Variants in AKAP12 observed in about 807,000 individuals in gnomAD.
AKAP12 encodes the protein A-kinase anchor protein 12.
AKAP12 carries 32 observed loss-of-function variants against 79.9 expected under a neutral mutation model. The ratio of observed to expected loss-of-function variants is 0.40; its 90% CI spans 0.30 to 0.54. The LOEUF (loss-of-function observed/expected upper bound fraction) is 0.54, where lower values mean the gene tolerates loss of function less well. Among genes scored for constraint, AKAP12 ranks in the 20% least tolerant of loss-of-function variants. The pLI, the probability that AKAP12 is intolerant of heterozygous loss-of-function variation, is 0.48. For missense variants in AKAP12, 2,074 were observed against 2,177.0 expected, an observed-to-expected ratio of 0.95 and a Z score of 0.94; for synonymous variants, 808 against 857.0, an observed-to-expected ratio of 0.94 and a Z score of 1.00.
intron 3 of AKAP12, among the ~76,000 whole-genome samples, chr6:151,337,439 C>G (rs1417033284): frequency 6.8e-6 from 1 of 147,718 alleles, no homozygotes; most frequent in African/African-American, 2.6e-5. Context: ...CGCTTGAACC[C>G]AGGAGGCGGA....
Position 151,349,651 on chromosome 6 carries a change from C to T in AKAP12, c.1260C>T (p.His420=), listed in dbSNP as rs1375599950. 10 of 1,613,754 alleles carry T rather than the reference C, an allele frequency of 6.2e-6. No homozygotes were observed. The highest frequency in any genetic ancestry group is 4.4e-5 in the South Asian group (4 of 91,044). ...VHQEEVVAEV[H]VSTVEERTEE... is the part of the protein sequence containing the mutation. ...AAGAAGAGGTTGTGGCCGAAGTCCACGTCAGCACCGTGGAGGAGAGAACCG... is the reference window on the plus strand; with the variant it reads ...AAGAAGAGGTTGTGGCCGAAGTCCATGTCAGCACCGTGGAGGAGAGAACCG... The change falls in exon 4 of 5, where the codon CAC becomes CAT. Residue 420 remains histidine, a synonymous_variant. Transcript: ENST00000402676.
intron 2 of AKAP12, among the ~76,000 whole-genome samples, chr6:151,285,316 C>T (rs1275919694): frequency 6.6e-6 from 1 of 151,686 alleles, no homozygotes; most frequent in Non-Finnish European, 1.5e-5. Context: ...CAGTGATTCA[C>T]ATTACTGAGT....
intron 2 of AKAP12, among the ~76,000 whole-genome samples, chr6:151,298,534 C>T (rs1443609769): frequency 6.6e-6 from 1 of 152,140 alleles, no homozygotes; most frequent in African/African-American, 2.4e-5. Context: ...TGGCTCACAC[C>T]TGTAATCCCA....
chr6:151,287,535 A>G (rs1235911672), intron 2 of AKAP12, among the ~76,000 whole-genome samples: 1 of 152,196 alleles, frequency 6.6e-6, no homozygotes, highest in Non-Finnish European at 1.5e-5. Context: ...TGCTAGGATT[A>G]CAGGCGTGAG....
Position 151,351,494 on chromosome 6 carries a change from C to T in AKAP12, c.3103C>T (p.Gln1035Ter). 2 of 1,614,114 alleles carry T rather than the reference C, an allele frequency of 1.2e-6. No homozygotes were observed. The highest frequency in any genetic ancestry group is 1.7e-6 in the Non-Finnish European group (2 of 1,180,022). Residue 1035 changes from glutamine (Q) to a stop codon, truncating the protein, a stop_gained, in exon 4 of 5, where the codon CAA (glutamine) becomes TAA (stop). Transcript: ENST00000402676. LOFTEE classifies it low-confidence loss of function (END_TRUNC). This position sits in a 1 kb window ranked among gnomAD's most constrained non-coding sequence, Gnocchi z 4.4. ...VEGGVPDIEE[Q>*]ERRTQEVLQA... Reference sequence around the variant, plus strand: ...AGGTGGCGTACCTGACATAGAAGAGCAAGAGAGGCGGACTCAAGAGGTCCT... The same window carrying T: ...AGGTGGCGTACCTGACATAGAAGAGTAAGAGAGGCGGACTCAAGAGGTCCT...
At position 151,351,424 on chromosome 6, in the gene AKAP12, C is replaced by T. The variant is rs754571343; in HGVS notation, c.3033C>T (p.Asp1011=). ...TGTCAGCAGTCTCCCAGTTAACCGA[C>T]TCCCCAGACACCACAGAGGAGGCCA... The part of the protein sequence containing the change: ...EMVSAVSQLT[D]SPDTTEEATP... Residue 1011 remains aspartate, a synonymous_variant, in exon 4 of 5, where the codon GAC becomes GAT. Transcript: ENST00000402676. This position sits in a 1 kb window ranked among gnomAD's most constrained non-coding sequence, Gnocchi z 4.4. 6.2e-7 allele frequency: 1 copy of T among 1,614,234 alleles called. No homozygotes were observed. Among genetic ancestry groups the T allele is most frequent in the Non-Finnish European group, 8.5e-7 (1 of 1,180,048 alleles).
chr6:151,317,550 C>T (rs182380641), intron 3 of AKAP12, among the ~76,000 whole-genome samples: 41 of 152,200 alleles, frequency 2.7e-4, no homozygotes, highest in East Asian at 1.9e-4. Flanking sequence ...TTTCAGTATC[C>T]CCAGTTTTAA....
At position 151,257,525 on chromosome 6, in the gene AKAP12, G is replaced by C. The variant is rs146440163; in HGVS notation, c.162+16801G>C. On this transcript the variant is annotated intron_variant, in intron 2 of 4. Transcript: ENST00000402676. ...TTGGCCAGACTGGTCTTGAACTCCT[G>C]ACCTCAAGCGATCCACCCACCCCAG... 7.8e-3 allele frequency among the ~76,000 whole-genome samples: 1,186 copies of C among 152,170 alleles called. 20 individuals are homozygous for C. Among genetic ancestry groups the C allele is most frequent in the African/African-American group, 0.027 (1,139 of 41,524 alleles).
intron 3 of AKAP12, among the ~76,000 whole-genome samples, chr6:151,331,924 G>A (rs935954463): frequency 6.7e-5 from 10 of 149,914 alleles, no homozygotes; most frequent in Non-Finnish European, 1.5e-4. Flanking sequence ...AGTACTAGTA[G>A]CACGATCATA....
At chr6:151,338,427 G>A (rs1582891742) in intron 3 of AKAP12, among the ~76,000 whole-genome samples, 1 of 150,076 alleles carries the variant, frequency 6.7e-6, no homozygotes, top group Non-Finnish European at 1.5e-5. Flanking sequence ...TGTTTCTTTT[G>A]CCTATATCAA....
chr6:151,278,221 T>C (rs1367743750), intron 2 of AKAP12, among the ~76,000 whole-genome samples: 2 of 152,132 alleles, frequency 1.3e-5, no homozygotes, highest in African/African-American at 2.4e-5. Flanking sequence ...TTGTTTGTTT[T>C]GTTTTGTTTT....
At chr6:151,277,970 G>C (rs894090774) in intron 2 of AKAP12, among the ~76,000 whole-genome samples, 31 of 84,218 alleles carry the variant, frequency 3.7e-4, no homozygotes, top group Middle Eastern at 6.1e-3. Context: ...GTGTGTGTGT[G>C]TGTCTGTCTG....
intron 2 of AKAP12, among the ~76,000 whole-genome samples, chr6:151,246,188 GCAGGTGAATCACAAGGT>G: frequency 6.6e-6 from 1 of 152,194 alleles, no homozygotes; most frequent in Non-Finnish European, 1.5e-5. Flanking sequence ...GGAGGCCGAG[GCAGGTGAATCACAAGGT>G]CAGGAGTTCG....
At chr6:151,311,010 C>T (rs200920869) in intron 3 of AKAP12, among the ~76,000 whole-genome samples, 28 of 152,244 alleles carry the variant, frequency 1.8e-4, no homozygotes, top group African/African-American at 6.5e-4. Context: ...CTCTGTCACC[C>T]AGGTCAGAGT....
chr6:151,274,850 C>T (rs1408942605), intron 2 of AKAP12, among the ~76,000 whole-genome samples: 1 of 152,126 alleles, frequency 6.6e-6, no homozygotes, highest in East Asian at 1.9e-4. Context: ...TTCCTGTAAT[C>T]CCAGCACTTT....
At chr6:151,331,900 A>AAC (rs1272806695) in intron 3 of AKAP12, among the ~76,000 whole-genome samples, 1 of 150,958 alleles carries the variant, frequency 6.6e-6, no homozygotes, top group African/African-American at 2.4e-5. Flanking sequence ...AAAAAAAAAA[A>AAC]AGTTTTGTTT....
intron 2 of AKAP12, among the ~76,000 whole-genome samples, chr6:151,250,664 G>A (rs1797156096): frequency 1.3e-5 from 2 of 148,912 alleles, no homozygotes; most frequent in Admixed American, 6.7e-5. Context: ...GGAGTGCAGT[G>A]GCGCGATCTC....
intron 2 of AKAP12, among the ~76,000 whole-genome samples, chr6:151,301,891 T>A (rs1776869543): frequency 6.6e-6 from 1 of 152,210 alleles, no homozygotes; most frequent in Non-Finnish European, 1.5e-5. Context: ...AAAATTAGTA[T>A]CTCATAATGT....
In AKAP12 at chr6:151,352,765, T is replaced by C. The variant is rs781332183; in HGVS notation, c.4374T>C (p.Ser1458=). ...ATTTAGTTCTGGAAGAGAAATCCTC[T>C]GAAAAAAATGAAGACTTTGCCGCTC... ...GAHLVLEEKS[S]EKNEDFAAHP... is the part of the protein sequence containing the mutation. Residue 1458 remains serine, a synonymous_variant, in exon 4 of 5, where the codon TCT becomes TCC. Transcript: ENST00000402676. The C allele has an allele frequency of 6.2e-7, 1 of 1,614,068 alleles. No homozygotes were observed. The highest frequency in any genetic ancestry group is 8.5e-7 in the Non-Finnish European group (1 of 1,179,996).
Sources: allele counts gnomAD v4.1 joint callset (sites outside exome capture counted in the v4.1 genomes callset), GRCh38; gene constraint gnomAD v4.1.1; non-coding constraint Gnocchi (gnomAD v3.1); transcripts MANE v1.5; gene names NCBI Gene and HGNC (gene_info 2026-07-23, HGNC 2026-07-21).